Variants in TMEM63A observed in about 807,000 individuals in gnomAD.
The protein encoded by TMEM63A is mechanosensitive cation channel TMEM63A.
In TMEM63A, 76 loss-of-function variants were observed where a neutral mutation model predicts 100.6. The observed-to-expected ratio is 0.76, with a 90% CI of 0.63 to 0.91. TMEM63A has a LOEUF of 0.91. Ranked by LOEUF, TMEM63A falls within the 40% of genes least tolerant of loss-of-function variation. TMEM63A has a pLI of 0.00. For missense variants in TMEM63A, 876 were observed against 1,008.8 expected (o/e 0.87, Z 1.78); for synonymous variants, 401 against 401.1 (o/e 1.00, Z 0.00).
chr1:225,846,982 C>G (rs764990719), intron 24 of TMEM63A, 50 bp from the exon 25 acceptor site: 183 of 1,541,460 alleles, frequency 1.2e-4, no homozygotes, highest in Non-Finnish European at 1.6e-4. Flanking sequence ...GCCGCTTCAC[C>G]TGTCTTCTCA....
In TMEM63A at chr1:225,855,891, A is replaced by G. The variant is rs1386874634; in HGVS notation, c.1621T>C (p.Ser541Pro). 1 of 1,614,008 alleles carries G rather than the reference A, an allele frequency of 6.2e-7. No homozygotes were observed. Among genetic ancestry groups the G allele is most frequent in the Admixed American group, 1.7e-5 (1 of 59,980 alleles). The change falls in exon 18 of 25, where the codon TCC becomes CCC. Residue 541 changes from serine (S) to proline (P), a missense_variant. Coordinates refer to ENST00000366835, the MANE Select transcript of TMEM63A (RefSeq NM_014698.3). The stretch of plus-strand genomic sequence containing the variant: ...GGCAATACTCACTCCAACCTGATGG[A>G]GGCCTCCGAGGAAGTTTTGTCAAAG... ...WLFDKTSSEA[S>P]IRLECVFLPD... is the part of the protein sequence containing the mutation.
At chr1:225,852,586 T>C in intron 20 of TMEM63A, 78 bp downstream of exon 20, 2 of 1,411,678 alleles carry the variant, frequency 1.4e-6, no homozygotes, top group South Asian at 1.2e-5. Flanking sequence ...GCCCTGGTGA[T>C]AGCTGTCCCC....
Position 225,860,975 on chromosome 1 carries a change from A to C in TMEM63A, c.1108T>G (p.Cys370Gly). 6.2e-7 allele frequency: 1 copy of C among 1,611,696 alleles called. No individual in the cohort carries two copies. Residue 370 changes from cysteine to glycine, a missense_variant, in exon 14 of 25, where the codon TGC (cysteine) becomes GGC (glycine). Around this residue, in one of 5 missense-constraint regions of TMEM63A, gnomAD observed 487 missense variants for 581.9 expected, o/e 0.84. Coordinates refer to ENST00000366835, the MANE Select transcript of TMEM63A (RefSeq NM_014698.3). ...ATYILKDFNACKCQSLQCKGE... is the reference protein window; with the variant it reads ...ATYILKDFNAGKCQSLQCKGE... Reference sequence around the variant, plus strand: ...TTGCACTGAAGGCTCTGACACTTGCAGGCATTGAAATCTTTCAGGATGCTG... The same window carrying C: ...TTGCACTGAAGGCTCTGACACTTGCCGGCATTGAAATCTTTCAGGATGCTG...
intron 1 of TMEM63A, 105 bp from the exon 2 acceptor site, chr1:225,879,515 T>C (rs1008348344): frequency 6.6e-6 from 1 of 152,428 alleles, no homozygotes; most frequent in Admixed American, 6.5e-5. Context: ...ATGCTGCCCA[T>C]ATGGACCTTT....
Position 225,865,774 on chromosome 1 carries a change from G to A in TMEM63A, c.746+123C>T. The stretch of plus-strand genomic sequence containing the variant: ...GTGTGGCAGGGCCAGGTCCTTCTCA[G>A]ATCTCACCTGGATACCCAAGCGAGA... On this transcript the variant is annotated intron_variant, in intron 10 of 24. Transcript: ENST00000366835. This position sits in a 1 kb window ranked among gnomAD's most constrained non-coding sequence, Gnocchi z 4.6. The A allele has an allele frequency of 1.0e-6, 1 of 971,250 alleles. No homozygotes were observed. The highest frequency in any genetic ancestry group is 1.5e-5 in the South Asian group (1 of 67,098). The allele number at this position is 971,250 out of a possible 1,614,324, so 60.2% of individuals were successfully genotyped here. A position where few individuals can be genotyped will look rare whatever the true frequency, so the allele number is the denominator to read the frequency against.
At chr1:225,848,356 T>C in intron 23 of TMEM63A, 136 bp downstream of exon 23, 2 of 852,932 alleles carry the variant, frequency 2.3e-6, no homozygotes, top group Non-Finnish European at 3.6e-6. Flanking sequence ...TTCTCTGCCA[T>C]TAATTCACAA....
rs945867503 is a variant in TMEM63A, at chr1:225,874,513, C to T, written c.187-146G>A. On this transcript the variant is annotated intron_variant, in intron 3 of 24. Transcript: ENST00000366835. ...GGCCCAGAGAGGGCACTGAAGTGCC[C>T]AAGGCCATGCAGCTCAGTAGCCCGG... 10 of 651,770 alleles carry T rather than the reference C, an allele frequency of 1.5e-5. No homozygotes were observed. The African/African-American group carries it at 1.8e-4, about 12-fold the overall frequency. 40.4% of individuals were successfully genotyped at this position (651,770 alleles called of 1,614,324 possible). A position where few individuals can be genotyped will look rare whatever the true frequency, so the allele number is the denominator to read the frequency against.
At chr1:225,844,442 T>C (rs1668737388), downstream of TMEM63A, 1 of 1,613,498 alleles carries the variant, frequency 6.2e-7, no homozygotes, top group Non-Finnish European at 8.5e-7. Context: ...TGGCTGCCCT[T>C]TGTCACACAA....
At position 225,853,783 on chromosome 1, in the gene TMEM63A, A is replaced by C; in HGVS notation, c.1643T>G (p.Phe548Cys). Residue 548 changes from phenylalanine to cysteine, a missense_variant, in exon 19 of 25, where the codon TTC (phenylalanine) becomes TGC (cysteine). Physicochemically the swap from Phe to Cys is radical, Grantham distance 205. Transcript: ENST00000366835. The surrounding 1 kb of genome is among the most constrained non-coding windows in gnomAD (Gnocchi z 4.0). ...SEASIRLECVFLPDQGAFFVN... is the reference protein window; with the variant it reads ...SEASIRLECVCLPDQGAFFVN... ...AAAGAAGGCACCCTGGTCAGGCAGGAAGACGCACCTGGGGAAACCAGGGCC... is the reference window on the plus strand; with the variant it reads ...AAAGAAGGCACCCTGGTCAGGCAGGCAGACGCACCTGGGGAAACCAGGGCC... 1 of 1,603,070 alleles carries C rather than the reference A, an allele frequency of 6.2e-7. No homozygotes were observed. Among genetic ancestry groups the C allele is most frequent in the South Asian group, 1.1e-5 (1 of 88,906 alleles).
rs116308844 is a variant in TMEM63A at position 225,853,275 on chromosome 1, C to A, written c.1797+354G>T. Among the ~76,000 whole-genome samples the A allele has an allele frequency of 6.6e-6, 1 of 152,350 alleles. No individual in the cohort carries two copies. Among genetic ancestry groups the A allele is most frequent in the Non-Finnish European group, 1.5e-5 (1 of 68,036 alleles). ...TCAGGGAATCCTGGAATAAATGCCA[C>A]AAGCCGAAAATGCCTTTGACATCTG... On this transcript the variant is annotated intron_variant, in intron 19 of 24. Coordinates refer to ENST00000366835, the MANE Select transcript of TMEM63A (RefSeq NM_014698.3). The surrounding 1 kb of genome is among the most constrained non-coding windows in gnomAD (Gnocchi z 4.0).
chr1:225,849,700 C>A (rs1173328435), intron 21 of TMEM63A, among the ~76,000 whole-genome samples: 1 of 152,206 alleles, frequency 6.6e-6, no homozygotes, highest in East Asian at 1.9e-4. Context: ...AACCAGTCCT[C>A]ACTCTGGGCA....
At chr1:225,866,529 C>T (rs1477448192) in intron 9 of TMEM63A, 45 bp downstream of exon 9, 4 of 1,576,154 alleles carry the variant, frequency 2.5e-6, no homozygotes, top group East Asian at 4.5e-5. Flanking sequence ...CCGACTCCCA[C>T]CTGAGTCCCT....
At chr1:225,857,384 CGGGGGGGGGG>C (rs752790126) in intron 15 of TMEM63A, among the ~76,000 whole-genome samples, 1 of 93,868 alleles carries the variant, frequency 1.1e-5, no homozygotes, top group Admixed American at 1.0e-4. Context: ...GCCGGCGGGG[CGGGGGGGGGG>C]GGGTGCCCTG....
chr1:225,861,013 G>C lies in TMEM63A; in HGVS notation c.1086-16C>G, dbSNP rs1427357630. The stretch of plus-strand genomic sequence containing the variant: ...TTTCAGGATGCTGCAAGGAAATGTA[G>C]CAACAGCCAGGCCCAGGCTACTCAG... On this transcript the variant is annotated splice_polypyrimidine_tract_variant and intron_variant, in intron 13 of 24. Transcript: ENST00000366835. The C allele has an allele frequency of 2.5e-6, 4 of 1,600,342 alleles. No individual in the cohort carries two copies. In the African/African-American group the frequency reaches 4.0e-5, roughly 16 times the overall value.
downstream of TMEM63A, chr1:225,844,702 C>G: frequency 6.3e-7 from 1 of 1,590,046 alleles, no homozygotes; most frequent in South Asian, 1.1e-5. Context: ...CCACGAAGGG[C>G]ACTTGGTGGT....
downstream of TMEM63A, chr1:225,844,620 A>G (rs761825961): frequency 1.2e-6 from 2 of 1,614,024 alleles, no homozygotes; most frequent in Non-Finnish European, 1.7e-6. Context: ...CAGAAGCATG[A>G]GCGGTGAGCC....
At chr1:225,863,115 A>G (rs360081) in intron 10 of TMEM63A, 435,284 of 453,382 alleles carry the variant, frequency 0.96, 209,024 homozygotes, top group East Asian at 1. Context: ...GTACAGTGGC[A>G]CAATCATGGC....
Position 225,848,946 on chromosome 1 carries a change from G to C in TMEM63A, c.2138C>G (p.Ala713Gly), listed in dbSNP as rs1444747295. The C allele has an allele frequency of 6.3e-7, 1 of 1,598,148 alleles. No individual in the cohort carries two copies. Among genetic ancestry groups the C allele is most frequent in the Non-Finnish European group, 8.5e-7 (1 of 1,172,560 alleles). The change falls in exon 22 of 25, where the codon GCT becomes GGT. Residue 713 changes from alanine (A) to glycine (G), a missense_variant. This residue lies in a region of TMEM63A where 339 missense variants were observed against 342.3 expected (regional missense o/e 0.99). Transcript: ENST00000366835. ...CTTGAAGCATCCAAAGCAGGTGTGA[G>C]CCAGGCAGACCAGGATGGTGAGCAG... ...VLLLTILVCL[A>G]HTCFGCFKHL...
chr1:225,876,935 C>T (rs1048195802), intron 3 of TMEM63A, among the ~76,000 whole-genome samples: 6 of 152,150 alleles, frequency 3.9e-5, no homozygotes, highest in African/African-American at 1.4e-4. Context: ...AGGCATGAGC[C>T]ACCGTACCTG....
Sources: gnomAD v4.1 joint callset for allele counts (sites outside exome capture counted in the v4.1 genomes callset) on GRCh38, gnomAD v4.1.1 for gene constraint, gnomAD v4.1.1 regional missense constraint, Gnocchi (gnomAD v3.1) non-coding constraint, MANE v1.5 for transcripts, NCBI Gene and HGNC (gene_info 2026-07-23, HGNC 2026-07-21) for gene names.